PRKCA: variants seen among roughly 807,000 people sequenced by gnomAD.
The protein encoded by PRKCA is protein kinase C alpha type.
PRKCA carries 27 observed loss-of-function variants against 87.0 expected under a neutral mutation model. The observed-to-expected ratio is 0.31, with a 90% CI of 0.23 to 0.43. The LOEUF (loss-of-function observed/expected upper bound fraction) is 0.43. PRKCA is among the 20% of genes least tolerant of loss of function. The pLI is 1.00. For missense variants in PRKCA, 518 were observed against 852.3 expected, an observed-to-expected ratio of 0.61 and a Z score of 4.88; for synonymous variants, 329 against 311.1, an observed-to-expected ratio of 1.06 and a Z score of -0.61.
At chr17:66,596,674 C>T (rs1326370889) in intron 3 of PRKCA, among the ~76,000 whole-genome samples, 2 of 107,136 alleles carry the variant, frequency 1.9e-5, no homozygotes, top group Non-Finnish European at 3.7e-5. Flanking sequence ...TGGTGCGCTG[C>T]ACCCACTAAC....
At chr17:66,628,994 A>G (rs775981623) in intron 3 of PRKCA, among the ~76,000 whole-genome samples, 9 of 152,302 alleles carry the variant, frequency 5.9e-5, no homozygotes, top group South Asian at 2.1e-4. Context: ...GTGCCATTGC[A>G]CTCCAGCCTG....
chr17:66,444,625 G>GT (rs1451077785), intron 2 of PRKCA, among the ~76,000 whole-genome samples: 2 of 152,156 alleles, frequency 1.3e-5, no homozygotes, highest in African/African-American at 4.8e-5. Context: ...TTGAGTTAGG[G>GT]TGGGGGTGTC....
intron 3 of PRKCA, among the ~76,000 whole-genome samples, chr17:66,592,485 A>G (rs1196116401): frequency 6.6e-6 from 1 of 152,130 alleles, no homozygotes; most frequent in Admixed American, 6.5e-5. Flanking sequence ...AGACTATATA[A>G]ATTAATTTCA....
intron 3 of PRKCA, among the ~76,000 whole-genome samples, chr17:66,621,386 A>C (rs1381793125): frequency 6.6e-6 from 1 of 152,212 alleles, no homozygotes; most frequent in Non-Finnish European, 1.5e-5. Context: ...TTCTCCAAGG[A>C]TCTAGAAACC....
chr17:66,726,088 G>C (rs1219288548), intron 8 of PRKCA, among the ~76,000 whole-genome samples: 3 of 152,140 alleles, frequency 2.0e-5, no homozygotes, highest in Non-Finnish European at 4.4e-5. Flanking sequence ...CCCTCTGCAG[G>C]AGTGGTCTGA....
intron 2 of PRKCA, among the ~76,000 whole-genome samples, chr17:66,436,436 C>T (rs1049419895): frequency 2.6e-5 from 4 of 152,116 alleles, no homozygotes; most frequent in South Asian, 2.1e-4. Context: ...AAGGTGGTGG[C>T]GAGGATTAAG....
chr17:66,534,020 T>C (rs1201304065), intron 3 of PRKCA, among the ~76,000 whole-genome samples: 2 of 152,100 alleles, frequency 1.3e-5, no homozygotes, highest in Non-Finnish European at 2.9e-5. Context: ...GTTTCTGTCA[T>C]TTAGAGGCAA....
chr17:66,479,998 TAAA>T (rs5821521), intron 2 of PRKCA, among the ~76,000 whole-genome samples: 26,378 of 144,778 alleles, frequency 0.18, 2,506 homozygotes, highest in Middle Eastern at 0.24. Flanking sequence ...CCCCTGAACT[TAAA>T]AAAAAAAAAA....
chr17:66,386,022 AG>A (rs1910042221), intron 2 of PRKCA, among the ~76,000 whole-genome samples: 1 of 151,988 alleles, frequency 6.6e-6, no homozygotes, highest in African/African-American at 2.4e-5. Flanking sequence ...GGCCTCCCAA[AG>A]TGCTGGGATT....
At chr17:66,661,535 T>A (rs961244290) in intron 5 of PRKCA, among the ~76,000 whole-genome samples, 3 of 152,198 alleles carry the variant, frequency 2.0e-5, no homozygotes, top group Non-Finnish European at 4.4e-5. Context: ...GTCCAAAAGT[T>A]GGATATGACT....
At chr17:66,565,033 C>T (rs1016328439) in intron 3 of PRKCA, among the ~76,000 whole-genome samples, 1 of 152,122 alleles carries the variant, frequency 6.6e-6, no homozygotes, top group Non-Finnish European at 1.5e-5. Flanking sequence ...ACCAGTGGCC[C>T]AGGAAAGACA....
chr17:66,366,293 G>C (rs986695859), intron 2 of PRKCA, among the ~76,000 whole-genome samples: 3 of 152,184 alleles, frequency 2.0e-5, no homozygotes, highest in African/African-American at 7.2e-5. Flanking sequence ...TACAAATATA[G>C]ATTGCTATAG....
chr17:66,731,103 CACTTTGG>C lies in PRKCA; in HGVS notation c.919-1584_919-1578del, dbSNP rs1973874317. Among the ~76,000 whole-genome samples, 3 of 152,140 alleles carry C rather than the reference CACTTTGG, an allele frequency of 2.0e-5. No homozygotes were observed. In the South Asian group the frequency reaches 6.2e-4, roughly 31 times the overall value. The stretch of plus-strand genomic sequence containing the variant: ...TGGTGGCTCATGCCTGTAATCCCAG[CACTTTGG>C]GAGGCCGAGGTGGGCGGATCACCTG... On this transcript the variant is annotated intron_variant, in intron 8 of 16. Coordinates refer to ENST00000413366, the MANE Select transcript of PRKCA (RefSeq NM_002737.3).
chr17:66,567,235 G>A (rs1387031171), intron 3 of PRKCA, among the ~76,000 whole-genome samples: 1 of 152,144 alleles, frequency 6.6e-6, no homozygotes, highest in African/African-American at 2.4e-5. Flanking sequence ...AGTATGAAAT[G>A]CAATCTTGAA....
At chr17:66,645,245 T>C in intron 4 of PRKCA, 138 bp from the exon 5 acceptor site, 1 of 1,182,818 alleles carries the variant, frequency 8.5e-7, no homozygotes, top group Non-Finnish European at 1.2e-6. Flanking sequence ...CTAACAGTTC[T>C]TTATGTCACC....
chr17:66,374,168 C>A (rs1465956980), intron 2 of PRKCA, among the ~76,000 whole-genome samples: 2 of 152,164 alleles, frequency 1.3e-5, no homozygotes, highest in East Asian at 3.9e-4. Context: ...TCCAGGGCTC[C>A]TTCCTTCCGC....
intron 8 of PRKCA, among the ~76,000 whole-genome samples, chr17:66,694,004 G>A (rs944259844): frequency 2.0e-5 from 3 of 152,096 alleles, no homozygotes; most frequent in Non-Finnish European, 4.4e-5. Flanking sequence ...GAAAAAATAG[G>A]TCAGGATAAC....
intron 10 of PRKCA, among the ~76,000 whole-genome samples, chr17:66,737,725 A>T (rs2144221216): frequency 6.6e-6 from 1 of 152,322 alleles, no homozygotes; most frequent in Non-Finnish European, 1.5e-5. Context: ...AGCCGTTCCC[A>T]CTGACTCTGA....
At chr17:66,502,275 C>G (rs934786777) in intron 3 of PRKCA, among the ~76,000 whole-genome samples, 2 of 151,510 alleles carry the variant, frequency 1.3e-5, no homozygotes, top group African/African-American at 4.9e-5. Flanking sequence ...CGCTCTGTTT[C>G]CCAGGCTGGA....
Sources: allele counts gnomAD v4.1 joint callset (sites outside exome capture counted in the v4.1 genomes callset), GRCh38; gene constraint gnomAD v4.1.1; transcripts MANE v1.5; gene names NCBI Gene and HGNC (gene_info 2026-07-23, HGNC 2026-07-21).